CCDC60: variants seen among roughly 807,000 people sequenced by gnomAD.
CCDC60 encodes coiled-coil domain containing 60, also known as coiled-coil domain-containing protein 60.
CCDC60 carries 54 observed loss-of-function variants against 63.5 expected under a neutral mutation model. That is an observed-to-expected ratio of 0.85 (90% CI 0.68 to 1.07). The LOEUF is 1.07. Ranked by LOEUF, CCDC60 falls within the 50% of genes least tolerant of loss-of-function variation. The pLI is 0.00. For missense variants in CCDC60, 651 were observed against 684.3 expected (o/e 0.95, Z 0.54); for synonymous variants, 206 against 238.8 (o/e 0.86, Z 1.27).
chr12:119,528,645 C>T lies in CCDC60; in HGVS notation c.1260C>T (p.Phe420=), dbSNP rs372725401. The T allele has an allele frequency of 4.3e-6, 7 of 1,613,696 alleles. No individual in the cohort carries two copies. The African/African-American group carries it at 9.3e-5, about 22-fold the overall frequency. The change falls in exon 12 of 14, where the codon TTC becomes TTT. Residue 420 remains phenylalanine, a synonymous_variant. Coordinates refer to ENST00000327554, the MANE Select transcript of CCDC60 (RefSeq NM_178499.5). The part of the protein sequence containing the change: ...KRQEERGIQK[F]RAFVLVSNFQ... Reference sequence around the variant, plus strand: ...AAGAAGAGAGAGGTATCCAGAAGTTCCGTGCTTTTGTCCTTGTCTCAAATT... The same window carrying T: ...AAGAAGAGAGAGGTATCCAGAAGTTTCGTGCTTTTGTCCTTGTCTCAAATT...
intron 1 of CCDC60, among the ~76,000 whole-genome samples, chr12:119,338,299 G>A (rs1955494995): frequency 2.6e-5 from 4 of 152,124 alleles, no homozygotes; most frequent in African/African-American, 9.7e-5. Flanking sequence ...TAAATCAAAT[G>A]AATAATAACT....
chr12:119,372,029 G>A (rs953609115), intron 1 of CCDC60, among the ~76,000 whole-genome samples: 39 of 152,182 alleles, frequency 2.6e-4, no homozygotes, highest in African/African-American at 8.4e-4. Context: ...AGGCCAAGGC[G>A]GGTGGATCAC....
At chr12:119,455,673 A>G (rs537621364) in intron 2 of CCDC60, among the ~76,000 whole-genome samples, 6 of 152,024 alleles carry the variant, frequency 3.9e-5, no homozygotes, top group African/African-American at 1.4e-4. Flanking sequence ...GGCTGCAGTG[A>G]GCTATGATGG....
chr12:119,501,541 A>G (rs1309029056), intron 6 of CCDC60, among the ~76,000 whole-genome samples: 1 of 152,030 alleles, frequency 6.6e-6, no homozygotes. Flanking sequence ...GGTCTTCCTG[A>G]CCCCATGATT....
rs547169888 is a variant in CCDC60 at position 119,426,007 on chromosome 12, G to T, written c.91-2676G>T. On this transcript the variant is annotated intron_variant, in intron 1 of 13. Transcript: ENST00000327554. ...GAGGGTGAACAGATGTTGTATGTGT[G>T]AGACAAACGAATGTTCATTATGCAA... Among the ~76,000 whole-genome samples the T allele has an allele frequency of 3.4e-4, 52 of 152,308 alleles. 2 individuals carry two copies. The South Asian group carries it at 0.011, about 32-fold the overall frequency.
At chr12:119,400,047 C>CTTTTTT (rs550702095) in intron 1 of CCDC60, among the ~76,000 whole-genome samples, 7 of 131,798 alleles carry the variant, frequency 5.3e-5, no homozygotes, top group South Asian at 2.4e-4. Context: ...GGTTGGTTTC[C>CTTTTTT]TTTTTTTTTT....
At chr12:119,539,731 A>C (rs962113246) in intron 13 of CCDC60, among the ~76,000 whole-genome samples, 3 of 152,174 alleles carry the variant, frequency 2.0e-5, no homozygotes, top group Non-Finnish European at 4.4e-5. Context: ...CAGGGGTATA[A>C]GAAAAAAACT....
At chr12:119,388,017 T>C (rs1180139145) in intron 1 of CCDC60, 1 of 152,228 alleles carries the variant, frequency 6.6e-6, no homozygotes, top group African/African-American at 2.4e-5. Context: ...TATTTTCTCA[T>C]GTTAAGGTGA....
intron 1 of CCDC60, among the ~76,000 whole-genome samples, chr12:119,404,747 A>C (rs1191205919): frequency 1.3e-5 from 2 of 152,192 alleles, no homozygotes; most frequent in Non-Finnish European, 2.9e-5. Context: ...ATAAGATCTT[A>C]ACCCAGCTCC....
chr12:119,377,896 A>T (rs1252009493), intron 1 of CCDC60, among the ~76,000 whole-genome samples: 1 of 152,210 alleles, frequency 6.6e-6, no homozygotes, highest in Non-Finnish European at 1.5e-5. Flanking sequence ...CACGCCAGGG[A>T]AATCGAGGAC....
rs1227328934 is a variant in CCDC60 at position 119,420,078 on chromosome 12, G to A, written c.91-8605G>A. Among the ~76,000 whole-genome samples the A allele has an allele frequency of 5.9e-5, 9 of 151,856 alleles. No individual in the cohort carries two copies. The highest frequency in any genetic ancestry group is 8.8e-5 in the Non-Finnish European group (6 of 67,942). On this transcript the variant is annotated intron_variant, in intron 1 of 13. Transcript: ENST00000327554. The surrounding 1 kb of genome is among the most constrained non-coding windows in gnomAD (Gnocchi z 4.1). Reference sequence around the variant, plus strand: ...TTTTTAGTAGAGATAGGGTTTCACCGTGTTAGCCGGGATGGTCTCGAACTC... The same window carrying A: ...TTTTTAGTAGAGATAGGGTTTCACCATGTTAGCCGGGATGGTCTCGAACTC...
chr12:119,493,384 G>A lies in CCDC60; in HGVS notation c.557+4518G>A, dbSNP rs113301169. ...TACAGGCAGCAAAATTTCACTAACC[G>A]GCAGTTACTGTGCTGCAAGCAGAAG... On this transcript the variant is annotated intron_variant, in intron 5 of 13. Coordinates refer to ENST00000327554, the MANE Select transcript of CCDC60 (RefSeq NM_178499.5). Among the ~76,000 whole-genome samples the A allele has an allele frequency of 4.5e-3, 690 of 152,132 alleles. 2 individuals carry two copies. The highest frequency in any genetic ancestry group is 0.027 in the Middle Eastern group (8 of 294).
intron 1 of CCDC60, among the ~76,000 whole-genome samples, chr12:119,339,232 C>T (rs1008622053): frequency 6.6e-6 from 1 of 152,044 alleles, no homozygotes; most frequent in African/African-American, 2.4e-5. Flanking sequence ...ACGATTTCTG[C>T]CTTGGAAAAG....
At chr12:119,537,729 G>T (rs1262264509) in intron 13 of CCDC60, among the ~76,000 whole-genome samples, 1 of 152,130 alleles carries the variant, frequency 6.6e-6, no homozygotes, top group Admixed American at 6.5e-5. Context: ...GTTTGCCTGG[G>T]TATCACCAGC....
intron 2 of CCDC60, among the ~76,000 whole-genome samples, chr12:119,434,393 C>T (rs914768536): frequency 6.6e-6 from 1 of 151,830 alleles, no homozygotes; most frequent in African/African-American, 2.4e-5. Flanking sequence ...CAGGTGTACA[C>T]CAGGCATTGC....
intron 2 of CCDC60, among the ~76,000 whole-genome samples, chr12:119,439,120 T>C (rs1023180898): frequency 1.9e-5 from 2 of 107,844 alleles, no homozygotes; most frequent in African/African-American, 7.5e-5. Context: ...CTCTGTAGAG[T>C]ACAAACAGTA....
At chr12:119,441,741 A>T (rs1197086836) in intron 2 of CCDC60, among the ~76,000 whole-genome samples, 1 of 152,210 alleles carries the variant, frequency 6.6e-6, no homozygotes, top group Non-Finnish European at 1.5e-5. Context: ...CTCTCTCAGT[A>T]TCTGCGTAGT....
intron 1 of CCDC60, among the ~76,000 whole-genome samples, chr12:119,344,084 G>A (rs982477051): frequency 1.3e-5 from 2 of 152,058 alleles, no homozygotes; most frequent in African/African-American, 2.4e-5. Flanking sequence ...CAGGCTTTAC[G>A]TTTCAGCAGA....
At chr12:119,516,539 A>C in intron 7 of CCDC60, 84 bp from the exon 8 acceptor site, 2 of 876,384 alleles carry the variant, frequency 2.3e-6, no homozygotes, top group Non-Finnish European at 3.7e-6. Flanking sequence ...AGGTGACCCC[A>C]GTTTGGGGGG....
Sources: allele counts gnomAD v4.1 joint callset (sites outside exome capture counted in the v4.1 genomes callset), GRCh38; gene constraint gnomAD v4.1.1; non-coding constraint Gnocchi (gnomAD v3.1); transcripts MANE v1.5; gene names NCBI Gene and HGNC (gene_info 2026-07-23, HGNC 2026-07-21).